The following NPAS3 variants were observed in gnomAD, a reference collection of about 807,000 sequenced individuals.
NPAS3 encodes the protein neuronal PAS domain-containing protein 3.
In NPAS3, 14 loss-of-function variants were observed where a neutral mutation model predicts 73.1. That is an observed-to-expected ratio of 0.19 (90% confidence interval 0.13 to 0.30). The LOEUF (loss-of-function observed/expected upper bound fraction) is 0.30, where lower values mean the gene tolerates loss of function less well. Among genes scored for constraint, NPAS3 ranks in the 10% least tolerant of loss-of-function variants. NPAS3 has a pLI of 1.00. For synonymous variants in NPAS3, 620 were observed against 541.5 expected (o/e 1.14, Z -2.01); for missense variants, 1,096 against 1,250.0 (o/e 0.88, Z 1.86).
chr14:33,010,689 C>T (rs1034117582), intron 1 of NPAS3, among the ~76,000 whole-genome samples: 3 of 152,088 alleles, frequency 2.0e-5, no homozygotes, highest in Non-Finnish European at 4.4e-5. Context: ...TAGTGGCTCA[C>T]GCCTGTAATT....
At chr14:33,371,264 C>T (rs1363381868) in intron 4 of NPAS3, among the ~76,000 whole-genome samples, 1 of 152,032 alleles carries the variant, frequency 6.6e-6, no homozygotes, top group Non-Finnish European at 1.5e-5. Flanking sequence ...TTGAAACAGT[C>T]GCTGTGCGGA....
At chr14:33,314,794 T>C (rs1210983345) in intron 3 of NPAS3, among the ~76,000 whole-genome samples, 2 of 152,014 alleles carry the variant, frequency 1.3e-5, no homozygotes, top group Admixed American at 6.6e-5. Flanking sequence ...GCTCACTGAC[T>C]CAATCCTAAT....
At chr14:33,571,778 C>G (rs7148153) in intron 5 of NPAS3, among the ~76,000 whole-genome samples, 2 of 152,088 alleles carry the variant, frequency 1.3e-5, no homozygotes, top group Non-Finnish European at 2.9e-5. Flanking sequence ...AAATTAGTTT[C>G]CCTTGTTGGC....
chr14:33,663,404 C>T (rs918562749), intron 5 of NPAS3, among the ~76,000 whole-genome samples: 2 of 152,076 alleles, frequency 1.3e-5, no homozygotes, highest in Non-Finnish European at 2.9e-5. Flanking sequence ...CCTTGCATCC[C>T]AGGGATGAAG....
chr14:33,000,512 G>GC (rs1219877683), intron 1 of NPAS3, among the ~76,000 whole-genome samples: 1 of 152,134 alleles, frequency 6.6e-6, no homozygotes, highest in Non-Finnish European at 1.5e-5. Flanking sequence ...TGTATCTGGT[G>GC]CAAGTATATG....
intron 1 of NPAS3, among the ~76,000 whole-genome samples, chr14:32,989,667 C>CAA (rs779227334): frequency 0.27 from 33,106 of 121,000 alleles, 5,358 homozygotes; most frequent in African/African-American, 0.52. Context: ...ACAACAACAA[C>CAA]AACAAAACAA....
chr14:33,326,125 T>C lies in NPAS3; in HGVS notation c.386-41061T>C, dbSNP rs567847023. Among the ~76,000 whole-genome samples the C allele has an allele frequency of 8.5e-4, 129 of 152,222 alleles. 1 individual carries two copies. Among genetic ancestry groups the C allele is most frequent in the African/African-American group, 3.0e-3 (125 of 41,534 alleles). ...GATACCTTAATTTAAGGTGATGGTG[T>C]GTACACCATCATACAGTGTATGAAT... On this transcript the variant is annotated intron_variant, in intron 3 of 11. Transcript: ENST00000356141.
exon 8 of NPAS3, chr14:33,774,403 C>A (rs761216235): frequency 1.8e-5 from 29 of 1,614,020 alleles, no homozygotes; most frequent in Non-Finnish European, 2.2e-5. Flanking sequence ...CGTCCCCAGC[C>A]AAATCATGGG....
chr14:33,114,776 T>C (rs887942210), intron 2 of NPAS3, among the ~76,000 whole-genome samples: 3 of 152,276 alleles, frequency 2.0e-5, no homozygotes, highest in Admixed American at 6.5e-5. Context: ...CAAGAAGGCT[T>C]ACAAGTCAAG....
At chr14:33,218,452 A>G (rs1045418779) in intron 3 of NPAS3, among the ~76,000 whole-genome samples, 4 of 152,176 alleles carry the variant, frequency 2.6e-5, no homozygotes, top group Admixed American at 1.3e-4. Context: ...ACATTCATAA[A>G]ACAATAACAT....
intron 3 of NPAS3, among the ~76,000 whole-genome samples, chr14:33,336,075 G>T (rs1203417562): frequency 6.6e-6 from 1 of 152,164 alleles, no homozygotes; most frequent in Non-Finnish European, 1.5e-5. Context: ...ATGTGTGAGG[G>T]TTCCAGGTTT....
chr14:33,474,359 A>G (rs1393672243), intron 4 of NPAS3, among the ~76,000 whole-genome samples: 1 of 152,214 alleles, frequency 6.6e-6, no homozygotes, highest in African/African-American at 2.4e-5. Context: ...ATTGACAAGG[A>G]AAGATAACTA....
chr14:33,627,853 C>T (rs1352970554), intron 5 of NPAS3, among the ~76,000 whole-genome samples: 1 of 152,202 alleles, frequency 6.6e-6, no homozygotes, highest in Non-Finnish European at 1.5e-5. Context: ...GAATTGGCCA[C>T]TTAAGAGTTT....
rs535273163 is a variant in NPAS3 at position 33,672,270 on chromosome 14, C to A, written c.559-3941C>A. Among the ~76,000 whole-genome samples, 8 of 152,204 alleles carry A rather than the reference C, an allele frequency of 5.3e-5. No homozygotes were observed. In the East Asian group the frequency reaches 1.5e-3, roughly 29 times the overall value. On this transcript the variant is annotated intron_variant, in intron 5 of 11. Transcript: ENST00000356141. ...TACTGCAAATAGATAGATTATGATGCTATATTATAATACATTTTAAGGAAT... is the reference window on the plus strand; with the variant it reads ...TACTGCAAATAGATAGATTATGATGATATATTATAATACATTTTAAGGAAT...
chr14:33,686,236 T>C (rs74042374), intron 6 of NPAS3, among the ~76,000 whole-genome samples: 1 of 152,086 alleles, frequency 6.6e-6, no homozygotes, highest in African/African-American at 2.4e-5. Context: ...CATGCTGCAT[T>C]TGGGAGGCAG....
At chr14:33,636,121 C>T (rs1478977009) in intron 5 of NPAS3, among the ~76,000 whole-genome samples, 2 of 152,158 alleles carry the variant, frequency 1.3e-5, no homozygotes, top group Non-Finnish European at 2.9e-5. Flanking sequence ...GGTTTCTCCA[C>T]GTTAGTCAGG....
chr14:33,388,505 G>A (rs989996550), intron 4 of NPAS3, among the ~76,000 whole-genome samples: 5 of 151,852 alleles, frequency 3.3e-5, no homozygotes, highest in Admixed American at 6.6e-5. Flanking sequence ...GAATGGGGGC[G>A]GGGGGCAGAA....
At chr14:33,027,150 G>A (rs904323133) in intron 1 of NPAS3, among the ~76,000 whole-genome samples, 1 of 152,162 alleles carries the variant, frequency 6.6e-6, no homozygotes, top group Non-Finnish European at 1.5e-5. Context: ...CACCAGCGTT[G>A]GCAGGGAATT....
At chr14:33,497,514 G>A (rs1190973447) in intron 4 of NPAS3, among the ~76,000 whole-genome samples, 2 of 152,080 alleles carry the variant, frequency 1.3e-5, no homozygotes, top group Non-Finnish European at 2.9e-5. Flanking sequence ...TAGACCAATG[G>A]AACAGAACAG....
Sources: allele counts gnomAD v4.1 joint callset (sites outside exome capture counted in the v4.1 genomes callset), GRCh38; gene constraint gnomAD v4.1.1; transcripts MANE v1.5; gene names NCBI Gene and HGNC (gene_info 2026-07-23, HGNC 2026-07-21).